Variants in SGPP2 observed in about 807,000 individuals in gnomAD.
SGPP2 encodes sphingosine 1-phosphate phosphohydrolase 2.
In SGPP2, 30 loss-of-function variants were observed where a neutral mutation model predicts 33.9. The ratio of observed to expected loss-of-function variants is 0.89; its 90% CI spans 0.66 to 1.20. The LOEUF (loss-of-function observed/expected upper bound fraction) is 1.20. SGPP2 is among the 50% of genes most tolerant of loss of function. The pLI is 0.00. For synonymous variants in SGPP2, 233 were observed against 225.0 expected, an observed-to-expected ratio of 1.04 and a Z score of -0.32; for missense variants, 458 against 532.1, an observed-to-expected ratio of 0.86 and a Z score of 1.37.
At chr2:222,473,345 T>G (rs1697878217) in intron 1 of SGPP2, among the ~76,000 whole-genome samples, 1 of 152,170 alleles carries the variant, frequency 6.6e-6, no homozygotes. Context: ...TCCAGATTCC[T>G]TGACTCGGGG....
intron 4 of SGPP2, among the ~76,000 whole-genome samples, chr2:222,537,358 A>T (rs1698930733): frequency 6.6e-6 from 1 of 152,218 alleles, no homozygotes; most frequent in Admixed American, 6.5e-5. Context: ...GTGATAGACA[A>T]AGGGTAAATA....
intron 2 of SGPP2, among the ~76,000 whole-genome samples, chr2:222,487,189 T>G (rs1257625763): frequency 1.3e-5 from 2 of 152,212 alleles, no homozygotes; most frequent in Non-Finnish European, 2.9e-5. Flanking sequence ...GGTTTGTTCC[T>G]CTTAAGAATT....
chr2:222,509,034 C>T (rs1421674366), intron 2 of SGPP2, among the ~76,000 whole-genome samples: 2 of 152,062 alleles, frequency 1.3e-5, no homozygotes, highest in African/African-American at 2.4e-5. Flanking sequence ...AAACAGTAGC[C>T]TTTAGAGTGT....
At chr2:222,474,789 C>A in intron 2 of SGPP2, 63 bp downstream of exon 2, 14 of 1,262,184 alleles carry the variant, frequency 1.1e-5, no homozygotes, top group Non-Finnish European at 1.5e-5. Flanking sequence ...CTTTGATACT[C>A]AAGTACTTTG....
At chr2:222,456,997 C>T (rs568200671) in intron 1 of SGPP2, among the ~76,000 whole-genome samples, 7 of 152,122 alleles carry the variant, frequency 4.6e-5, no homozygotes, top group African/African-American at 1.7e-4. Flanking sequence ...TAAGCCCTAC[C>T]CTCCCCAAGT....
At chr2:222,440,049 A>G (rs951471035) in intron 1 of SGPP2, among the ~76,000 whole-genome samples, 4 of 152,266 alleles carry the variant, frequency 2.6e-5, no homozygotes, top group African/African-American at 9.6e-5. Context: ...TAAAAAATCA[A>G]TACTGCCTTA....
chr2:222,443,263 A>G (rs902477087), intron 1 of SGPP2, among the ~76,000 whole-genome samples: 6 of 151,998 alleles, frequency 3.9e-5, no homozygotes, highest in African/African-American at 1.4e-4. Context: ...ACATATTCAG[A>G]TTTGTTACAT....
At chr2:222,553,931 G>A (rs1434052077) in intron 4 of SGPP2, among the ~76,000 whole-genome samples, 1 of 152,070 alleles carries the variant, frequency 6.6e-6, no homozygotes, top group Non-Finnish European at 1.5e-5. Context: ...GAATTCTTAT[G>A]CCTTTAAAAA....
At chr2:222,540,872 T>A (rs142398269) in intron 4 of SGPP2, among the ~76,000 whole-genome samples, 2 of 139,140 alleles carry the variant, frequency 1.4e-5, no homozygotes, top group East Asian at 2.1e-4. Flanking sequence ...CAGGCTGGAG[T>A]AGTGGCATGA....
chr2:222,505,670 A>C (rs1451221066), intron 2 of SGPP2, among the ~76,000 whole-genome samples: 1 of 152,202 alleles, frequency 6.6e-6, no homozygotes, highest in African/African-American at 2.4e-5. Flanking sequence ...CTGGTGGCTC[A>C]CACCTGTAAT....
At chr2:222,439,312 C>G (rs1382680555) in intron 1 of SGPP2, among the ~76,000 whole-genome samples, 1 of 152,114 alleles carries the variant, frequency 6.6e-6, no homozygotes, top group East Asian at 1.9e-4. Context: ...TCAAGGTGTT[C>G]TGGGTCTGTA....
chr2:222,464,038 G>A (rs898698681), intron 1 of SGPP2, among the ~76,000 whole-genome samples: 4 of 152,062 alleles, frequency 2.6e-5, no homozygotes, highest in South Asian at 2.1e-4. Context: ...ACTCCTTCTC[G>A]AACATCATAC....
chr2:222,524,345 A>T (rs1044988091), intron 3 of SGPP2, among the ~76,000 whole-genome samples: 1 of 152,234 alleles, frequency 6.6e-6, no homozygotes, highest in Admixed American at 6.5e-5. Flanking sequence ...TAAGCAGAGT[A>T]TCTGTGTGTT....
chr2:222,553,356 A>G (rs1395629514), intron 4 of SGPP2, among the ~76,000 whole-genome samples: 3 of 152,264 alleles, frequency 2.0e-5, no homozygotes, highest in East Asian at 3.8e-4. Context: ...CATATTTGGG[A>G]AAAGCAAATA....
intron 1 of SGPP2, among the ~76,000 whole-genome samples, chr2:222,429,450 C>T (rs537391099): frequency 2.6e-5 from 4 of 152,232 alleles, no homozygotes; most frequent in East Asian, 3.9e-4. Flanking sequence ...TGAGATAGTT[C>T]GAAAGAATAT....
chr2:222,542,205 G>T (rs1699008281), intron 4 of SGPP2, among the ~76,000 whole-genome samples: 1 of 152,060 alleles, frequency 6.6e-6, no homozygotes, highest in Non-Finnish European at 1.5e-5. Context: ...TTTACTCCCT[G>T]TTCTATTTGT....
intron 2 of SGPP2, chr2:222,504,841 A>T (rs903665348): frequency 3.3e-5 from 5 of 152,254 alleles, no homozygotes; most frequent in Non-Finnish European, 5.9e-5. Context: ...TTTTACAGTC[A>T]TGACAAGGTG....
chr2:222,475,818 G>A (rs1431336656), intron 2 of SGPP2, among the ~76,000 whole-genome samples: 2 of 152,194 alleles, frequency 1.3e-5, no homozygotes, highest in Non-Finnish European at 1.5e-5. Context: ...AGAGGCCTGA[G>A]CTCAAGTACA....
At chr2:222,478,064 GA>G (rs1697974848) in intron 2 of SGPP2, among the ~76,000 whole-genome samples, 1 of 152,006 alleles carries the variant, frequency 6.6e-6, no homozygotes, top group Non-Finnish European at 1.5e-5. Flanking sequence ...TCATTGTAAG[GA>G]AGTGTGAGAA....
Sources: gnomAD v4.1 joint callset for allele counts (sites outside exome capture counted in the v4.1 genomes callset) on GRCh38, gnomAD v4.1.1 for gene constraint, MANE v1.5 for transcripts, NCBI Gene and HGNC (gene_info 2026-07-23, HGNC 2026-07-21) for gene names.